BRINP1: variants seen among roughly 807,000 people sequenced by gnomAD.
BRINP1 encodes BMP/retinoic acid-inducible neural-specific protein 1.
BRINP1 carries 17 observed loss-of-function variants against 72.9 expected under a neutral mutation model. The ratio of observed to expected loss-of-function variants is 0.23; its 90% CI spans 0.16 to 0.35. BRINP1 has a LOEUF of 0.35. Ranked by LOEUF, BRINP1 falls within the 10% of genes least tolerant of loss-of-function variation. BRINP1 has a pLI of 1.00. For synonymous variants in BRINP1, 418 were observed against 378.5 expected (o/e 1.10, Z -1.21); for missense variants, 850 against 1,001.6 (o/e 0.85, Z 2.04).
chr9:119,257,887 T>A (rs946371775), intron 2 of BRINP1, among the ~76,000 whole-genome samples: 1 of 152,124 alleles, frequency 6.6e-6, no homozygotes, highest in Non-Finnish European at 1.5e-5. Context: ...CCTGCCTTCA[T>A]GTCCCATAAC....
chr9:119,267,925 C>A (rs922050027), intron 2 of BRINP1, among the ~76,000 whole-genome samples: 5 of 151,958 alleles, frequency 3.3e-5, no homozygotes, highest in African/African-American at 1.2e-4. Context: ...CAAAGATGAA[C>A]GAGAGAGAAA....
At chr9:119,169,548 T>TG (rs1220128250) in intron 7 of BRINP1, among the ~76,000 whole-genome samples, 2 of 152,056 alleles carry the variant, frequency 1.3e-5, no homozygotes, top group Admixed American at 6.5e-5. Context: ...GGCAGCGGGC[T>TG]GGGGGAGGGG....
At chr9:119,304,526 T>G (rs1650670254) in intron 2 of BRINP1, among the ~76,000 whole-genome samples, 1 of 152,220 alleles carries the variant, frequency 6.6e-6, no homozygotes, top group African/African-American at 2.4e-5. Flanking sequence ...CAGTAATTCT[T>G]GTGCCCAGGA....
chr9:119,292,728 A>G (rs1830833735), intron 2 of BRINP1, among the ~76,000 whole-genome samples: 1 of 152,220 alleles, frequency 6.6e-6, no homozygotes, highest in Non-Finnish European at 1.5e-5. Flanking sequence ...ATGAACTGAT[A>G]CCAGAGGTGA....
intron 1 of BRINP1, among the ~76,000 whole-genome samples, chr9:119,359,981 A>T (rs1193349809): frequency 6.6e-6 from 1 of 152,056 alleles, no homozygotes; most frequent in African/African-American, 2.4e-5. Flanking sequence ...GCCTACATGT[A>T]TCATTCCCAC....
intron 5 of BRINP1, among the ~76,000 whole-genome samples, chr9:119,234,540 C>CACATGTATTACAATATT (rs1363818255): frequency 6.6e-6 from 1 of 152,074 alleles, no homozygotes; most frequent in East Asian, 1.9e-4. Context: ...CTTTGTCAGG[C>CACATGTATTACAATATT]ACATGTATTA....
chr9:119,321,034 C>T, intron 1 of BRINP1, among the ~76,000 whole-genome samples: 1 of 152,092 alleles, frequency 6.6e-6, no homozygotes, highest in East Asian at 1.9e-4. Flanking sequence ...GGGTTCACGC[C>T]ATTCTCCTGC....
At chr9:119,179,332 G>GATAGGGGGCTGAGAGGAGAGAAGGA (rs1829526454) in intron 7 of BRINP1, among the ~76,000 whole-genome samples, 1 of 152,198 alleles carries the variant, frequency 6.6e-6, no homozygotes. Context: ...AATTCATTCT[G>GATAGGGGGCTGAGAGGAGAGAAGGA]ATAGGGGGCT....
At chr9:119,217,956 C>A (rs901488681) in intron 5 of BRINP1, among the ~76,000 whole-genome samples, 2 of 152,016 alleles carry the variant, frequency 1.3e-5, no homozygotes, top group Non-Finnish European at 2.9e-5. Context: ...TCTGCTTGAT[C>A]CCTTGTCCTA....
chr9:119,287,152 C>T (rs1408260370), intron 2 of BRINP1, among the ~76,000 whole-genome samples: 3 of 151,676 alleles, frequency 2.0e-5, no homozygotes, highest in Admixed American at 6.6e-5. Flanking sequence ...ACTTAGTTTA[C>T]AGGATATGCA....
At chr9:119,329,508 G>A (rs763931911) in intron 1 of BRINP1, among the ~76,000 whole-genome samples, 5 of 152,116 alleles carry the variant, frequency 3.3e-5, no homozygotes, top group Non-Finnish European at 7.4e-5. Flanking sequence ...TGCCTGGGCC[G>A]GCAATCACAG....
intron 5 of BRINP1, among the ~76,000 whole-genome samples, chr9:119,216,786 G>GGA (rs1273913104): frequency 3.9e-5 from 6 of 152,076 alleles, no homozygotes; most frequent in Non-Finnish European, 8.8e-5. Flanking sequence ...AGGAATTTGG[G>GGA]GAGAGCATTT....
At chr9:119,223,787 G>A (rs896764100) in intron 5 of BRINP1, among the ~76,000 whole-genome samples, 4 of 151,968 alleles carry the variant, frequency 2.6e-5, no homozygotes, top group African/African-American at 4.8e-5. Flanking sequence ...CTTGAGACAC[G>A]AGGCTTTTTA....
chr9:119,303,883 T>C (rs998182024), intron 2 of BRINP1, among the ~76,000 whole-genome samples: 5 of 151,674 alleles, frequency 3.3e-5, no homozygotes, highest in African/African-American at 9.7e-5. Flanking sequence ...TTCTTTTTTT[T>C]TTTTTTTTAA....
chr9:119,348,749 G>A (rs1388936368), intron 1 of BRINP1, among the ~76,000 whole-genome samples: 1 of 152,212 alleles, frequency 6.6e-6, no homozygotes, highest in Non-Finnish European at 1.5e-5. Flanking sequence ...GGTGTCATAT[G>A]TGTGGGCTTT....
chr9:119,198,992 A>G (rs1254810742), intron 7 of BRINP1, among the ~76,000 whole-genome samples: 1 of 152,088 alleles, frequency 6.6e-6, no homozygotes, highest in Non-Finnish European at 1.5e-5. Context: ...TTAACATTCT[A>G]TCTGTATATT....
At chr9:119,222,395 C>T (rs10760028) in intron 5 of BRINP1, among the ~76,000 whole-genome samples, 122,068 of 151,966 alleles carry the variant, frequency 0.8, 49,187 homozygotes, top group Middle Eastern at 0.91. Context: ...AAGAGTTGAG[C>T]AGTTGCTACA....
chr9:119,172,868 CAA>C (rs1411238115), intron 7 of BRINP1, among the ~76,000 whole-genome samples: 3 of 151,532 alleles, frequency 2.0e-5, no homozygotes, highest in African/African-American at 7.3e-5. Context: ...TAAACAGAGA[CAA>C]AGACAAAAAC....
At chr9:119,299,336 G>A (rs1354094196) in intron 2 of BRINP1, among the ~76,000 whole-genome samples, 4 of 152,042 alleles carry the variant, frequency 2.6e-5, no homozygotes, top group African/African-American at 7.2e-5. Flanking sequence ...CAAGTGGGCC[G>A]GGCGCGGTGG....
Sources: gnomAD v4.1 joint callset for allele counts (sites outside exome capture counted in the v4.1 genomes callset) on GRCh38, gnomAD v4.1.1 for gene constraint, MANE v1.5 for transcripts, NCBI Gene and HGNC (gene_info 2026-07-23, HGNC 2026-07-21) for gene names.